The following MAP4K5 variants were observed in gnomAD, a reference collection of about 807,000 sequenced individuals.
MAP4K5 encodes the protein MAPK/ERK kinase kinase kinase 5.
In MAP4K5, 82 loss-of-function variants were observed where a neutral mutation model predicts 135.6. The observed-to-expected ratio is 0.60, with a 90% confidence interval of 0.51 to 0.73. MAP4K5 has a LOEUF of 0.73. Among genes scored for constraint, MAP4K5 ranks in the 30% least tolerant of loss-of-function variants. The pLI, the probability that MAP4K5 is intolerant of heterozygous loss-of-function variation, is 0.00. For missense variants in MAP4K5, 907 were observed against 1,010.9 expected (o/e 0.90, Z 1.39); for synonymous variants, 347 against 335.0 (o/e 1.04, Z -0.39).
At chr14:50,555,582 C>A (rs1195999699) in intron 1 of MAP4K5, among the ~76,000 whole-genome samples, 2 of 152,328 alleles carry the variant, frequency 1.3e-5, no homozygotes, top group Non-Finnish European at 2.9e-5. Flanking sequence ...CCGTGGCCAG[C>A]CAGTTCCTTC....
chr14:50,492,320 G>A (rs1229434744), intron 3 of MAP4K5, among the ~76,000 whole-genome samples: 2 of 152,118 alleles, frequency 1.3e-5, no homozygotes, highest in East Asian at 1.9e-4. Flanking sequence ...TTGGCTGGGT[G>A]CAGAGGCTCA....
chr14:50,425,231 C>T (rs879940816), intron 31 of MAP4K5, among the ~76,000 whole-genome samples: 12 of 152,154 alleles, frequency 7.9e-5, no homozygotes. Flanking sequence ...CTGCATGAGA[C>T]GTAATTATCT....
chr14:50,495,895 A>C (rs1186474062), intron 3 of MAP4K5, among the ~76,000 whole-genome samples: 1 of 152,242 alleles, frequency 6.6e-6, no homozygotes, highest in Non-Finnish European at 1.5e-5. Flanking sequence ...GGTGGTTACT[A>C]GTGGCTGTGG....
Position 50,434,581 on chromosome 14 carries a change from A to C in MAP4K5, c.1987-10T>G. 2 of 1,567,720 alleles carry C rather than the reference A, an allele frequency of 1.3e-6. No homozygotes were observed. Among genetic ancestry groups the C allele is most frequent in the East Asian group, 2.3e-5 (1 of 42,646 alleles). On this transcript the variant is annotated splice_polypyrimidine_tract_variant and intron_variant, in intron 27 of 32. Transcript: ENST00000682126. ...AAGGAAAATCAAAGTGCTGCAAAAA[A>C]AATAAACAATAGAGCCATAATTCAG...
intron 2 of MAP4K5, among the ~76,000 whole-genome samples, chr14:50,540,647 TTAAAG>T (rs1566705085): frequency 6.6e-6 from 1 of 152,174 alleles, no homozygotes; most frequent in African/African-American, 2.4e-5. Flanking sequence ...ATTCCAGTGA[TTAAAG>T]TAGAGATTTA....
intron 2 of MAP4K5, among the ~76,000 whole-genome samples, chr14:50,531,094 C>T (rs548423635): frequency 6.6e-6 from 1 of 152,332 alleles, no homozygotes; most frequent in Admixed American, 6.5e-5. Flanking sequence ...TGCACTAATG[C>T]TCCCTTTTTG....
At chr14:50,490,880 G>GT (rs944930067) in intron 3 of MAP4K5, among the ~76,000 whole-genome samples, 1 of 152,092 alleles carries the variant, frequency 6.6e-6, no homozygotes, top group Non-Finnish European at 1.5e-5. Context: ...TAAAAACATA[G>GT]TAAGAAAAAA....
chr14:50,436,032 A>AT (rs2036083803), intron 26 of MAP4K5, among the ~76,000 whole-genome samples: 1 of 152,200 alleles, frequency 6.6e-6, no homozygotes, highest in Non-Finnish European at 1.5e-5. Flanking sequence ...GTGGTTAAAC[A>AT]TTTTTGTTTT....
intron 3 of MAP4K5, among the ~76,000 whole-genome samples, chr14:50,495,919 AGTT>A (rs1003025284): frequency 4.3e-4 from 65 of 152,348 alleles, no homozygotes; most frequent in African/African-American, 1.5e-3. Context: ...GGCAGCAAAG[AGTT>A]GTTGTTGTTT....
chr14:50,499,541 C>G (rs934960305), intron 3 of MAP4K5, among the ~76,000 whole-genome samples: 1 of 151,900 alleles, frequency 6.6e-6, no homozygotes, highest in East Asian at 1.9e-4. Flanking sequence ...GCCTGTAATT[C>G]CAGCTACTCA....
intron 6 of MAP4K5, among the ~76,000 whole-genome samples, chr14:50,479,698 C>T (rs1162935038): frequency 6.6e-6 from 1 of 152,086 alleles, no homozygotes; most frequent in African/African-American, 2.4e-5. Context: ...TCTTATTTTG[C>T]TTCTTTGCTT....
chr14:50,494,253 C>T (rs774993916), intron 3 of MAP4K5, among the ~76,000 whole-genome samples: 19 of 151,860 alleles, frequency 1.3e-4, no homozygotes, highest in African/African-American at 4.3e-4. Context: ...CTGCAACCTC[C>T]GCCTCCCGGG....
In MAP4K5 at chr14:50,486,159, T is replaced by C. The variant is rs1356096890; in HGVS notation, c.202A>G (p.Met68Val). 1.4e-6 allele frequency: 2 copies of C among 1,406,632 alleles called. No individual in the cohort carries two copies. 87.1% of individuals were successfully genotyped at this position (1,406,632 alleles called of 1,614,324 possible). Residue 68 changes from methionine to valine, a missense_variant, in exon 4 of 33, where the codon ATG (methionine) becomes GTG (valine). Coordinates refer to ENST00000682126, the MANE Select transcript of MAP4K5 (RefSeq NM_006575.6). ...DFSLIQQEIF[M>V]VKECKHCNIV... ...TTACAATGTTTACATTCTTTAACCA[T>C]AAATATTTCTTGTTGAATCAAAGAA... is the stretch of plus-strand genomic sequence containing the variant.
At position 50,525,922 on chromosome 14, in the gene MAP4K5, C is replaced by T. The variant is rs111238788; in HGVS notation, c.108+6020G>A. Among the ~76,000 whole-genome samples, 362 of 152,212 alleles carry T rather than the reference C, an allele frequency of 2.4e-3. 1 individual carries two copies. The highest frequency in any genetic ancestry group is 8.0e-3 in the African/African-American group (332 of 41,532). On this transcript the variant is annotated intron_variant, in intron 2 of 32. Transcript: ENST00000682126. ...GGAGTCCATTAGCTGGTGTTTCCTG[C>T]CAGAAAATAGCCTCTATTCTCCATC...
chr14:50,503,691 C>T (rs2037752649), intron 3 of MAP4K5, among the ~76,000 whole-genome samples: 1 of 152,056 alleles, frequency 6.6e-6, no homozygotes, highest in Non-Finnish European at 1.5e-5. Flanking sequence ...ATAAGCCATA[C>T]CCTCAAGTCA....
intron 15 of MAP4K5, 42 bp from the exon 16 acceptor site, chr14:50,447,523 AGG>A: frequency 1.8e-6 from 2 of 1,101,216 alleles, no homozygotes; most frequent in South Asian, 1.4e-5. Flanking sequence ...ACTTTGTAAC[AGG>A]TATTAACCAT....
At chr14:50,493,336 G>T (rs916499188) in intron 3 of MAP4K5, among the ~76,000 whole-genome samples, 1 of 152,068 alleles carries the variant, frequency 6.6e-6, no homozygotes, top group African/African-American at 2.4e-5. Context: ...TGAGCATTTT[G>T]ATTTTTTTTC....
intron 6 of MAP4K5, among the ~76,000 whole-genome samples, chr14:50,481,471 A>G (rs2037241863): frequency 6.6e-6 from 1 of 152,066 alleles, no homozygotes; most frequent in Non-Finnish European, 1.5e-5. Context: ...CAACACATAG[A>G]GTATCAATTT....
At chr14:50,537,267 G>A (rs115559875), upstream of MAP4K5, among the ~76,000 whole-genome samples, 2,463 of 152,298 alleles carry the variant, frequency 0.016, 37 homozygotes, top group East Asian at 0.064. Flanking sequence ...GCTTCCACGT[G>A]GTGTTGAGCC....
Sources: gnomAD v4.1 joint callset for allele counts (sites outside exome capture counted in the v4.1 genomes callset) on GRCh38, gnomAD v4.1.1 for gene constraint, MANE v1.5 for transcripts, NCBI Gene and HGNC (gene_info 2026-07-23, HGNC 2026-07-21) for gene names.